TMEM181: variants seen among roughly 807,000 people sequenced by gnomAD.
TMEM181 encodes the protein G protein-coupled receptor 178.
TMEM181 carries 39 observed loss-of-function variants against 71.9 expected under a neutral mutation model. That is an observed-to-expected ratio of 0.54 (90% CI 0.42 to 0.71). TMEM181 has a LOEUF of 0.71. Among genes scored for constraint, TMEM181 ranks in the 30% least tolerant of loss-of-function variants. The probability of loss-of-function intolerance (pLI) is 0.00; values close to 1 mark genes in which losing one functional copy is unlikely to be tolerated. For synonymous variants in TMEM181, 245 were observed against 228.8 expected, an observed-to-expected ratio of 1.07 and a Z score of -0.64; for missense variants, 595 against 583.0, an observed-to-expected ratio of 1.02 and a Z score of -0.21.
intron 5 of TMEM181, 52 bp from the exon 6 acceptor site, chr6:158,589,620 G>A (rs759668391): frequency 1.3e-5 from 18 of 1,377,458 alleles, no homozygotes; most frequent in Admixed American, 1.7e-5. Flanking sequence ...GTTATTTGGC[G>A]GGAGCGTGAG....
intron 6 of TMEM181, among the ~76,000 whole-genome samples, chr6:158,594,962 G>A (rs543453276): frequency 6.6e-6 from 1 of 152,358 alleles, no homozygotes; most frequent in East Asian, 1.9e-4. Context: ...ACAGGCATGA[G>A]CCACCATGCC....
At chr6:158,551,061 G>A (rs1356990795) in intron 1 of TMEM181, among the ~76,000 whole-genome samples, 4 of 150,766 alleles carry the variant, frequency 2.7e-5, no homozygotes. Flanking sequence ...CCTGGTTCAA[G>A]TGATTCTCCT....
intron 7 of TMEM181, 118 bp downstream of exon 7, chr6:158,605,465 C>G: frequency 2.2e-6 from 2 of 919,834 alleles, no homozygotes; most frequent in Non-Finnish European, 3.5e-6. Context: ...GATGCTCCAT[C>G]CAGTGGGCTG....
intron 1 of TMEM181, among the ~76,000 whole-genome samples, chr6:158,564,620 G>A (rs909842536): frequency 2.0e-5 from 3 of 152,172 alleles, no homozygotes; most frequent in East Asian, 1.9e-4. Context: ...TTCTTGCCAC[G>A]CTGTTCTGAC....
chr6:158,587,647 T>C (rs1413345121), intron 5 of TMEM181, among the ~76,000 whole-genome samples: 107 of 151,798 alleles, frequency 7.0e-4, no homozygotes, highest in South Asian at 2.1e-4. Flanking sequence ...TTTTTTTTTT[T>C]CTACTGTAAA....
intron 6 of TMEM181, 115 bp from the exon 7 acceptor site, chr6:158,605,152 G>A (rs62437850): frequency 0.28 from 152,437 of 554,066 alleles, 30,152 homozygotes; most frequent in East Asian, 0.62. Context: ...GTGTGTGTGT[G>A]TGTGTGTATG....
intron 10 of TMEM181, among the ~76,000 whole-genome samples, chr6:158,614,854 A>G (rs1475969920): frequency 6.6e-6 from 1 of 152,174 alleles, no homozygotes; most frequent in Non-Finnish European, 1.5e-5. Context: ...TCCATGGTGT[A>G]TATGTGTCAC....
Position 158,573,059 on chromosome 6 carries a change from C to A in TMEM181, c.9-361C>A, listed in dbSNP as rs530110376. ...GTGCGTGTGTGTATGTATGTGTGTG[C>A]ATGAGATGAGTAGTGGGATCTGGCC... On this transcript the variant is annotated intron_variant, in intron 1 of 16. Transcript: ENST00000684151. Among the ~76,000 whole-genome samples the A allele has an allele frequency of 4.3e-4, 65 of 152,134 alleles. 1 individual carries two copies. The South Asian group carries it at 1.0e-2, about 23-fold the overall frequency.
upstream of TMEM181, among the ~76,000 whole-genome samples, chr6:158,558,251 G>C (rs1439559473): frequency 6.6e-6 from 1 of 152,212 alleles, no homozygotes; most frequent in Non-Finnish European, 1.5e-5. Context: ...TGCTGCTCTG[G>C]GCTGGAGGTA....
At chr6:158,538,852 G>T (rs1781234118) in intron 1 of TMEM181, among the ~76,000 whole-genome samples, 1 of 152,172 alleles carries the variant, frequency 6.6e-6, no homozygotes, top group South Asian at 2.1e-4. Context: ...TCCCAGAAGA[G>T]GAAGGAGTAT....
intron 1 of TMEM181, among the ~76,000 whole-genome samples, chr6:158,563,304 C>T (rs1227080846): frequency 2.0e-5 from 3 of 152,228 alleles, no homozygotes; most frequent in South Asian, 2.1e-4. Flanking sequence ...CCACCATGCC[C>T]GGCTAATTTT....
At chr6:158,597,395 G>A (rs927199611) in intron 6 of TMEM181, among the ~76,000 whole-genome samples, 2 of 152,154 alleles carry the variant, frequency 1.3e-5, no homozygotes, top group African/African-American at 4.8e-5. Flanking sequence ...GGTGTCTGGT[G>A]AGGGCTGTTC....
chr6:158,596,506 G>C (rs1160762898), intron 6 of TMEM181, among the ~76,000 whole-genome samples: 1 of 152,120 alleles, frequency 6.6e-6, no homozygotes, highest in African/African-American at 2.4e-5. Context: ...TCTGATAAAA[G>C]AGCACCAGAA....
At chr6:158,536,710 A>T in exon 1 of TMEM181, 1 of 1,547,416 alleles carries the variant, frequency 6.5e-7, no homozygotes, top group Non-Finnish European at 8.7e-7. Flanking sequence ...GAGCGGCGGG[A>T]CCGGGACCCG....
At chr6:158,545,381 G>A (rs1781493784) in intron 1 of TMEM181, among the ~76,000 whole-genome samples, 1 of 152,392 alleles carries the variant, frequency 6.6e-6, no homozygotes, top group East Asian at 1.9e-4. Flanking sequence ...TTGGAAAGTC[G>A]TGGCAAGTGA....
chr6:158,608,666 GA>G lies in TMEM181; in HGVS notation c.815del (p.Lys272SerfsTer3). ...VYHGIRVQGERKCLTFYLPKF... is the reference protein window; with the variant it reads ...VYHGIRVQGEXKCLTFYLPKF... ...TTATTTTTTTCTTTTTAGGGAGAAA[GA>G]AAGTGTTTAACTTTCTATTTGCCTA... is the stretch of plus-strand genomic sequence containing the variant. On this transcript the variant is annotated frameshift_variant, in exon 10 of 17. Coordinates refer to ENST00000684151, the MANE Select transcript of TMEM181 (RefSeq NM_001376852.1). LOFTEE classifies it high-confidence loss of function. 6.2e-7 allele frequency: 1 copy of G among 1,606,412 alleles called. No homozygotes were observed. The highest frequency in any genetic ancestry group is 8.5e-7 in the Non-Finnish European group (1 of 1,178,100).
At chr6:158,536,846 A>G in exon 1 of TMEM181, 1 of 1,495,380 alleles carries the variant, frequency 6.7e-7, no homozygotes, top group South Asian at 1.3e-5. Context: ...CACGCCCTTC[A>G]AGGATGACCG....
intron 1 of TMEM181, chr6:158,572,419 CA>C (rs1418332156): frequency 2.2e-6 from 1 of 456,632 alleles, no homozygotes; most frequent in Non-Finnish European, 4.4e-6. Context: ...GCGAGGACAA[CA>C]GAGAACACAG....
chr6:158,556,837 A>C (rs1266630522), upstream of TMEM181, among the ~76,000 whole-genome samples: 1 of 151,796 alleles, frequency 6.6e-6, no homozygotes, highest in Non-Finnish European at 1.5e-5. Flanking sequence ...ATCTTGGCTC[A>C]CTGTAACCTC....
Sources: allele counts gnomAD v4.1 joint callset (sites outside exome capture counted in the v4.1 genomes callset), GRCh38; gene constraint gnomAD v4.1.1; transcripts MANE v1.5; gene names NCBI Gene and HGNC (gene_info 2026-07-23, HGNC 2026-07-21).